ACYP2: variants seen among roughly 807,000 people sequenced by gnomAD.
ACYP2 encodes acylphosphatase-2.
A neutral mutation model predicts 11.2 loss-of-function variants in ACYP2; 12 were observed. The ratio of observed to expected loss-of-function variants is 1.08; its 90% CI spans 0.69 to 1.74. The LOEUF is 1.74. Ranked by LOEUF, ACYP2 falls within the 40% of genes most tolerant of loss-of-function variation. The pLI is 0.00. For synonymous variants in ACYP2, 43 were observed against 32.2 expected, an observed-to-expected ratio of 1.33 and a Z score of -1.13; for missense variants, 134 against 101.9, an observed-to-expected ratio of 1.31 and a Z score of -1.35.
chr2:54,211,969 A>T (rs889483864), intron 6 of ACYP2, among the ~76,000 whole-genome samples: 1 of 152,100 alleles, frequency 6.6e-6, no homozygotes, highest in African/African-American at 2.4e-5. Flanking sequence ...GCAGGATTTC[A>T]ACCAGGGGCT....
At chr2:54,164,134 G>A (rs1488211478) in intron 6 of ACYP2, among the ~76,000 whole-genome samples, 6 of 152,162 alleles carry the variant, frequency 3.9e-5, no homozygotes, top group Non-Finnish European at 8.8e-5. Flanking sequence ...GGGCTTTGGA[G>A]CATGTATAGA....
chr2:54,035,170 G>T (rs1674820623), intron 2 of ACYP2, among the ~76,000 whole-genome samples: 1 of 151,692 alleles, frequency 6.6e-6, no homozygotes, highest in Non-Finnish European at 1.5e-5. Flanking sequence ...TTCAGCTGTT[G>T]CTACCATGTT....
intron 4 of ACYP2, among the ~76,000 whole-genome samples, chr2:54,129,845 C>A (rs1052676062): frequency 5.4e-5 from 8 of 147,130 alleles, no homozygotes; most frequent in Non-Finnish European, 1.2e-4. Context: ...TATACATTAA[C>A]AATAAATATA....
intron 6 of ACYP2, among the ~76,000 whole-genome samples, chr2:54,143,733 GTTT>G (rs545149069): frequency 0.014 from 1,102 of 76,666 alleles, 40 homozygotes; most frequent in African/African-American, 0.062. Context: ...TACCCAGCCG[GTTT>G]TTTTTTTTTT....
chr2:54,020,997 C>G lies in ACYP2; in HGVS notation c.63-29961C>G, dbSNP rs533855004. ...TTTTTACTTCTATAGAAGGGTACAA[C>G]TCACAGATGGAGCAATGGCGAGAGC... is the stretch of plus-strand genomic sequence containing the variant. On this transcript the variant is annotated intron_variant, in intron 2 of 6. Transcript: ENST00000607452. 1.1e-4 allele frequency among the ~76,000 whole-genome samples: 17 copies of G among 152,272 alleles called. 1 individual carries two copies. In the South Asian group the frequency reaches 3.5e-3, roughly 32 times the overall value.
chr2:54,152,320 C>T (rs142913663), intron 6 of ACYP2, among the ~76,000 whole-genome samples: 5 of 151,954 alleles, frequency 3.3e-5, no homozygotes, highest in East Asian at 3.9e-4. Flanking sequence ...GATGGGATCT[C>T]GCTATGTTTC....
intron 2 of ACYP2, among the ~76,000 whole-genome samples, chr2:54,002,610 G>C (rs942319726): frequency 1.3e-5 from 2 of 149,396 alleles, no homozygotes; most frequent in East Asian, 3.9e-4. Context: ...CTCCCAAAGT[G>C]CTAGGATTAT....
intron 4 of ACYP2, among the ~76,000 whole-genome samples, chr2:54,130,413 T>C (rs1329824150): frequency 7.2e-5 from 11 of 152,154 alleles, no homozygotes; most frequent in Non-Finnish European, 8.8e-5. Context: ...ATTAGGGGGC[T>C]GTGGCAACCA....
chr2:54,255,853 G>T, intron 6 of ACYP2: 10 of 1,613,950 alleles, frequency 6.2e-6, no homozygotes, highest in Non-Finnish European at 8.5e-6. Flanking sequence ...GGCAGAGGCC[G>T]CTTCTAGGCC....
At chr2:54,124,573 C>G (rs1382621277) in intron 4 of ACYP2, among the ~76,000 whole-genome samples, 1 of 152,150 alleles carries the variant, frequency 6.6e-6, no homozygotes, top group Admixed American at 6.5e-5. Context: ...ATGGGTGACA[C>G]TTTTATTATC....
intron 6 of ACYP2, among the ~76,000 whole-genome samples, chr2:54,215,972 G>A (rs921645881): frequency 2.0e-5 from 3 of 152,150 alleles, no homozygotes; most frequent in African/African-American, 7.2e-5. Context: ...TTTGGGATCA[G>A]GCTGAGGAAT....
intron 6 of ACYP2, among the ~76,000 whole-genome samples, chr2:54,196,932 A>G (rs1432966339): frequency 1.3e-5 from 2 of 152,208 alleles, no homozygotes; most frequent in Non-Finnish European, 2.9e-5. Context: ...TGGAATTTTC[A>G]TGTGTGCTGG....
intron 6 of ACYP2, among the ~76,000 whole-genome samples, chr2:54,195,781 C>T (rs1435982582): frequency 5.6e-5 from 6 of 107,624 alleles, no homozygotes; most frequent in Admixed American, 1.8e-4. Flanking sequence ...ACATTGTCAT[C>T]GTTTTGTTGT....
At chr2:54,135,876 A>G (rs1226302402) in intron 5 of ACYP2, among the ~76,000 whole-genome samples, 1 of 152,176 alleles carries the variant, frequency 6.6e-6, no homozygotes, top group Non-Finnish European at 1.5e-5. Flanking sequence ...TTAGCAGATT[A>G]AGCGCCACGT....
intron 4 of ACYP2, among the ~76,000 whole-genome samples, chr2:54,075,538 C>T (rs11677951): frequency 6.7e-6 from 1 of 149,614 alleles, no homozygotes; most frequent in Non-Finnish European, 1.5e-5. Context: ...AAAGGGTGGA[C>T]ACGGTGGTTC....
intron 6 of ACYP2, among the ~76,000 whole-genome samples, chr2:54,203,417 T>C (rs1474521221): frequency 6.6e-6 from 1 of 152,230 alleles, no homozygotes; most frequent in Non-Finnish European, 1.5e-5. Context: ...CAAATAGAGA[T>C]AGTTTTACTT....
At chr2:54,166,122 C>A (rs1682959154) in intron 6 of ACYP2, among the ~76,000 whole-genome samples, 1 of 152,208 alleles carries the variant, frequency 6.6e-6, no homozygotes, top group Non-Finnish European at 1.5e-5. Flanking sequence ...GCCTCAATTA[C>A]TGCCTGGTTA....
At chr2:53,992,532 A>T (rs1672351727) in intron 2 of ACYP2, among the ~76,000 whole-genome samples, 1 of 152,194 alleles carries the variant, frequency 6.6e-6, no homozygotes, top group African/African-American at 2.4e-5. Flanking sequence ...GTACTCAGAG[A>T]TGAGAAATAT....
chr2:54,031,158 G>A (rs1459359312), intron 2 of ACYP2, among the ~76,000 whole-genome samples: 1 of 151,996 alleles, frequency 6.6e-6, no homozygotes, highest in Non-Finnish European at 1.5e-5. Flanking sequence ...TATGTTCTAG[G>A]GTACATGTGC....
Sources: gnomAD v4.1 joint callset for allele counts (sites outside exome capture counted in the v4.1 genomes callset) on GRCh38, gnomAD v4.1.1 for gene constraint, MANE v1.5 for transcripts, NCBI Gene and HGNC (gene_info 2026-07-23, HGNC 2026-07-21) for gene names.